CENPF: variants seen among roughly 807,000 people sequenced by gnomAD.
The protein encoded by CENPF is AH antigen.
Under a neutral mutation model 307.3 loss-of-function variants are expected in CENPF, and 214 were observed. The ratio of observed to expected loss-of-function variants is 0.70; its 90% CI spans 0.62 to 0.78. The LOEUF is 0.78. Among genes scored for constraint, CENPF ranks in the 30% least tolerant of loss-of-function variants. The pLI is 0.00. For synonymous variants in CENPF, 1,259 were observed against 1,270.6 expected (o/e 0.99, Z 0.19); for missense variants, 3,401 against 3,483.9 (o/e 0.98, Z 0.60).
Position 214,659,084 on chromosome 1 carries a change from C to A in CENPF, c.9141+56C>A. ...TGAGATCCAGAAAATTGCAGTAGTA[C>A]CTGGGTGAGGATTGGACACTGCACC... On this transcript the variant is annotated intron_variant, in intron 19 of 19. Coordinates refer to ENST00000366955, the MANE Select transcript of CENPF (RefSeq NM_016343.4). This position sits in a 1 kb window ranked among gnomAD's most constrained non-coding sequence, Gnocchi z 4.4. 1 of 1,584,746 alleles carries A rather than the reference C, an allele frequency of 6.3e-7. No individual in the cohort carries two copies. Among genetic ancestry groups the A allele is most frequent in the Non-Finnish European group, 8.6e-7 (1 of 1,158,592 alleles).
At position 214,651,899 on chromosome 1, in the gene CENPF, G is replaced by T. The variant is rs747666905; in HGVS notation, c.8160+13G>T. 6 of 1,583,664 alleles carry T rather than the reference G, an allele frequency of 3.8e-6. No individual in the cohort carries two copies. In the East Asian group the frequency reaches 9.0e-5, roughly 24 times the overall value. On this transcript the variant is annotated intron_variant, in intron 15 of 19. Transcript: ENST00000366955. ...CACAAACAAACAGGTGAAATGTGGG[G>T]TTTGGTTACTGGGGGAGCTGGAGAG...
intron 16 of CENPF, chr1:214,654,386 A>G (rs1658574815): frequency 6.6e-6 from 1 of 152,448 alleles, no homozygotes; most frequent in Non-Finnish European, 1.5e-5. Context: ...CAGCCTGGGC[A>G]ACATAGTGAG....
chr1:214,618,573 G>A lies in CENPF; in HGVS notation c.360G>A (p.Arg120=). ...TGCCTCTTGGGTCCTTTTCTAACAG[G>A]TGTAAATCTGAGCTTGAAAGAAGCC... ...QIEKLEQELK[R]CKSELERSQQ... is the part of the protein sequence containing the mutation. Residue 120 remains arginine (R), a splice_region_variant and synonymous_variant, in exon 4 of 20, where the codon AGG becomes AGA. Coordinates refer to ENST00000366955, the MANE Select transcript of CENPF (RefSeq NM_016343.4). The A allele has an allele frequency of 1.2e-6, 2 of 1,613,886 alleles. No homozygotes were observed. Among genetic ancestry groups the A allele is most frequent in the Non-Finnish European group, 1.7e-6 (2 of 1,179,912 alleles).
chr1:214,603,230 G>A lies in CENPF; in HGVS notation c.-133G>A, dbSNP rs1047865021. ...GAATTGGGCACCGGTGGCGGCTGCGGGCAGTTTGAATTAGACTCTGGGCTC... is the reference window on the plus strand; with the variant it reads ...GAATTGGGCACCGGTGGCGGCTGCGAGCAGTTTGAATTAGACTCTGGGCTC... On this transcript the variant is annotated 5_prime_UTR_variant, in exon 1 of 20. Coordinates refer to ENST00000366955, the MANE Select transcript of CENPF (RefSeq NM_016343.4). 1 of 152,638 alleles carries A rather than the reference G, an allele frequency of 6.6e-6. No individual in the cohort carries two copies. Among genetic ancestry groups the A allele is most frequent in the African/African-American group, 2.4e-5 (1 of 41,470 alleles). The allele number at this position is 152,638 out of a possible 1,614,324, so 9.5% of individuals were successfully genotyped here. A position where few individuals can be genotyped will look rare whatever the true frequency, so the allele number is the denominator to read the frequency against.
intron 3 of CENPF, among the ~76,000 whole-genome samples, chr1:214,616,883 TTCTTTCTTTCTTTCTTTC>T: frequency 8.5e-6 from 1 of 117,930 alleles, no homozygotes; most frequent in East Asian, 2.5e-4. Flanking sequence ...CTTTCTTTCT[TTCTTTCTTTCTTTCTTTC>T]TTTCTTTCTT....
At chr1:214,632,673 A>T in intron 10 of CENPF, 71 bp downstream of exon 10, 1 of 1,550,942 alleles carries the variant, frequency 6.4e-7, no homozygotes, top group South Asian at 1.2e-5. Flanking sequence ...GAATATTCCT[A>T]TTCCATTTGT....
chr1:214,616,800 T>G (rs1657348820), intron 3 of CENPF, among the ~76,000 whole-genome samples: 1 of 151,744 alleles, frequency 6.6e-6, no homozygotes, highest in Admixed American at 6.6e-5. Flanking sequence ...CTTTCTTTGT[T>G]TCTTTCTTTC....
chr1:214,648,641 A>G, intron 13 of CENPF, 34 bp from the exon 14 acceptor site: 1 of 1,609,100 alleles, frequency 6.2e-7, no homozygotes, highest in Non-Finnish European at 8.5e-7. Flanking sequence ...ACAGACCACC[A>G]AAAAGCAGAT....
rs776330662 is a variant in CENPF at position 214,643,107 on chromosome 1, C to G, written c.4769C>G (p.Ser1590Cys). The change falls in exon 12 of 20, where the codon TCT (serine) becomes TGT (cysteine). Residue 1590 changes from serine to cysteine, a missense_variant. By Grantham distance (112) the Ser-to-Cys change is moderately radical (BLOSUM62 -1). Coordinates refer to ENST00000366955, the MANE Select transcript of CENPF (RefSeq NM_016343.4). The part of the protein sequence containing the change: ...EIQELEQLLS[S>C]ERQELDCLRK... ...CAAGAGCTCGAGCAGTTATTAAGTT[C>G]TGAAAGGCAAGAGCTTGACTGCCTT... The G allele has an allele frequency of 3.1e-6, 5 of 1,603,768 alleles. No individual in the cohort carries two copies. In the Admixed American group the frequency reaches 8.8e-5, roughly 28 times the overall value.
At position 214,622,277 on chromosome 1, in the gene CENPF, C is replaced by T. The variant is rs1375341463; in HGVS notation, c.1064C>T (p.Thr355Ile). 2 of 1,602,242 alleles carry T rather than the reference C, an allele frequency of 1.2e-6. No individual in the cohort carries two copies. The highest frequency in any genetic ancestry group is 1.8e-5 in the Admixed American group (1 of 57,036). Residue 355 changes from threonine to isoleucine, a missense_variant, in exon 7 of 20, where the codon ACC becomes ATC. By Grantham distance (89) the Thr-to-Ile change is moderately conservative. Transcript: ENST00000366955. ...ACAGCACAATACGACCAGGCGTCAA[C>T]CAAGGTACTTGACTTTTCGTGAATT... is the stretch of plus-strand genomic sequence containing the variant. ...RTTAQYDQAS[T>I]KYTALEQKLK...
chr1:214,648,214 A>G (rs1658365502), intron 13 of CENPF, among the ~76,000 whole-genome samples: 1 of 152,190 alleles, frequency 6.6e-6, no homozygotes, highest in African/African-American at 2.4e-5. Context: ...GAGACAAACC[A>G]TAGCAAGCTG....
At chr1:214,607,453 T>C (rs1657066846) in intron 1 of CENPF, among the ~76,000 whole-genome samples, 1 of 152,130 alleles carries the variant, frequency 6.6e-6, no homozygotes, top group Non-Finnish European at 1.5e-5. Flanking sequence ...CCCACACTGC[T>C]GGGAGGCCCC....
rs1365335873 is a variant in CENPF at position 214,637,898 on chromosome 1, T to A, written c.1479T>A (p.Ser493Arg). The part of the protein sequence containing the change: ...EMKKENNLLK[S>R]HSEQKAREVC... ...AGAAGGAAAACAACCTCCTTAAGAG[T>A]CACTCTGAGCAAAAGGCCAGAGAAG... Residue 493 changes from serine (S) to arginine (R), a missense_variant, in exon 11 of 20, where the codon AGT becomes AGA. Coordinates refer to ENST00000366955, the MANE Select transcript of CENPF (RefSeq NM_016343.4). The A allele has an allele frequency of 1.2e-6, 2 of 1,612,782 alleles. No individual in the cohort carries two copies. The highest frequency in any genetic ancestry group is 8.5e-7 in the Non-Finnish European group (1 of 1,179,768).
intron 1 of CENPF, among the ~76,000 whole-genome samples, chr1:214,611,685 G>T (rs1456997097): frequency 6.6e-6 from 1 of 152,162 alleles, no homozygotes; most frequent in African/African-American, 2.4e-5. Flanking sequence ...TTATTGTACA[G>T]ATCTTTCACC....
chr1:214,644,700 T>C lies in CENPF; in HGVS notation c.5130T>C (p.Thr1710=). 6.2e-7 allele frequency: 1 copy of C among 1,613,928 alleles called. No individual in the cohort carries two copies. Among genetic ancestry groups the C allele is most frequent in the African/African-American group, 1.3e-5 (1 of 75,008 alleles). The change falls in exon 13 of 20, where the codon ACT becomes ACC. Residue 1710 remains threonine, a synonymous_variant. Transcript: ENST00000366955. ...TCAATCTAGACATTGAGAAAATAACTGAGACTGGTGCAGTGAAACCCACAG... is the reference window on the plus strand; with the variant it reads ...TCAATCTAGACATTGAGAAAATAACCGAGACTGGTGCAGTGAAACCCACAG... ...QDLNLDIEKI[T]ETGAVKPTGE...
chr1:214,653,227 G>A (rs1558190610), intron 16 of CENPF: 2 of 429,890 alleles, frequency 4.7e-6, no homozygotes, highest in Non-Finnish European at 8.7e-6. Flanking sequence ...ACTAGAGGAT[G>A]TTAAAGACTT....
At chr1:214,622,914 G>A (rs1230501886) in intron 7 of CENPF, among the ~76,000 whole-genome samples, 1 of 151,920 alleles carries the variant, frequency 6.6e-6, no homozygotes, top group African/African-American at 2.4e-5. Context: ...TAAGTATTTA[G>A]GGGGAAAAAG....
Position 214,608,563 on chromosome 1 carries a change from C to T in CENPF, c.-41-5151C>T, listed in dbSNP as rs1571691127. The stretch of plus-strand genomic sequence containing the variant: ...GCAGGAGACGCGGTTGCGGCGGGCG[C>T]TCTTGGTGGGGAAGACCTCAATGGT... On this transcript the variant is annotated intron_variant, in intron 1 of 19. Coordinates refer to ENST00000366955, the MANE Select transcript of CENPF (RefSeq NM_016343.4). The T allele has an allele frequency of 3.0e-5, 48 of 1,610,730 alleles. No individual in the cohort carries two copies. The East Asian group carries it at 1.0e-3, about 34-fold the overall frequency.
At position 214,640,669 on chromosome 1, in the gene CENPF, T is replaced by C. The variant is rs1658085699; in HGVS notation, c.2331T>C (p.Asn777=). The C allele has an allele frequency of 6.2e-7, 1 of 1,614,076 alleles. No individual in the cohort carries two copies. Among genetic ancestry groups the C allele is most frequent in the East Asian group, 2.2e-5 (1 of 44,860 alleles). The change falls in exon 12 of 20, where the codon AAT becomes AAC. Residue 777 remains asparagine, a synonymous_variant. Transcript: ENST00000366955. The part of the protein sequence containing the change: ...LKSKDASLVT[N]EDHQRSLLAF... ...CCAAAGATGCTTCTCTGGTGACAAA[T>C]GAAGATCATCAGAGAAGTCTTTTGG... is the stretch of plus-strand genomic sequence containing the variant.
Sources: allele counts gnomAD v4.1 joint callset (sites outside exome capture counted in the v4.1 genomes callset), GRCh38; gene constraint gnomAD v4.1.1; non-coding constraint Gnocchi (gnomAD v3.1); transcripts MANE v1.5; gene names NCBI Gene and HGNC (gene_info 2026-07-23, HGNC 2026-07-21).